NCAPD2: variants seen among roughly 807,000 people sequenced by gnomAD.
NCAPD2 encodes the protein condensin complex subunit 1.
A neutral mutation model predicts 164.5 loss-of-function variants in NCAPD2; 100 were observed. The observed-to-expected ratio is 0.61, with a 90% CI of 0.52 to 0.72. The LOEUF is 0.72. Among genes scored for constraint, NCAPD2 ranks in the 30% least tolerant of loss-of-function variants. The pLI is 0.00. For synonymous variants in NCAPD2, 585 were observed against 642.6 expected, an observed-to-expected ratio of 0.91 and a Z score of 1.36; for missense variants, 1,560 against 1,749.2, an observed-to-expected ratio of 0.89 and a Z score of 1.93.
In NCAPD2 at chr12:6,514,840, T is replaced by C; in HGVS notation, c.907T>C (p.Phe303Leu). The C allele has an allele frequency of 6.2e-7, 1 of 1,614,210 alleles. No individual in the cohort carries two copies. Among genetic ancestry groups the C allele is most frequent in the Non-Finnish European group, 8.5e-7 (1 of 1,180,014 alleles). ...TTCAGGGACAAAGGGCTTTGCAGCA[T>C]TCCTGACAGAACTAGCAGAACGTGT... ...DPSGTKGFAA[F>L]LTELAERVPA... The change falls in exon 9 of 32, where the codon TTC becomes CTC. Residue 303 changes from phenylalanine to leucine, a missense_variant. Transcript: ENST00000315579.
chr12:6,501,063 TTTTTTTTTTTGAC>T (rs1432689857), intron 2 of NCAPD2, among the ~76,000 whole-genome samples: 9 of 150,960 alleles, frequency 6.0e-5, no homozygotes, highest in African/African-American at 2.2e-4. Context: ...AGGCTTTTTT[TTTTTTTTTTTGAC>T]AGTCTTGCTC....
At chr12:6,520,158 G>A (rs903841855) in intron 13 of NCAPD2, among the ~76,000 whole-genome samples, 13 of 148,888 alleles carry the variant, frequency 8.7e-5, no homozygotes, top group Middle Eastern at 3.4e-3. Flanking sequence ...TTCAGCCTGG[G>A]TGACAGAACA....
At chr12:6,516,123 G>A (rs1254805519) in intron 9 of NCAPD2, among the ~76,000 whole-genome samples, 1 of 151,370 alleles carries the variant, frequency 6.6e-6, no homozygotes, top group East Asian at 1.9e-4. Context: ...TTGAACCTGG[G>A]AAATGGAGGT....
At chr12:6,527,693 CT>C in intron 22 of NCAPD2, 83 bp from the exon 23 acceptor site, 1 of 1,306,452 alleles carries the variant, frequency 7.7e-7, no homozygotes, top group Non-Finnish European at 1.1e-6. Flanking sequence ...CCCTTCCTCA[CT>C]TTGTTCATGC....
At chr12:6,529,252 A>G in intron 27 of NCAPD2, 1 of 612,784 alleles carries the variant, frequency 1.6e-6, no homozygotes, top group Non-Finnish European at 2.9e-6. Flanking sequence ...AGTTCCTAAC[A>G]TGGTGGCAGA....
intron 7 of NCAPD2, 23 bp downstream of exon 7, chr12:6,514,415 C>T (rs781189403): frequency 6.2e-7 from 1 of 1,614,060 alleles, no homozygotes. Context: ...TCGCTTTGCC[C>T]CGCCTTTTTT....
intron 9 of NCAPD2, 139 bp from the exon 10 acceptor site, chr12:6,516,689 C>T: frequency 1.2e-6 from 1 of 821,278 alleles, no homozygotes; most frequent in South Asian, 1.8e-5. Context: ...CTCTGAGCAA[C>T]AAGTCCTCTT....
intron 2 of NCAPD2, among the ~76,000 whole-genome samples, chr12:6,499,287 C>T (rs1247632397): frequency 6.6e-6 from 1 of 152,106 alleles, no homozygotes; most frequent in Non-Finnish European, 1.5e-5. Context: ...TCTCAGCCCA[C>T]TGCAACCTTC....
intron 6 of NCAPD2, among the ~76,000 whole-genome samples, chr12:6,512,445 T>C (rs965746190): frequency 6.6e-6 from 1 of 152,100 alleles, no homozygotes; most frequent in Admixed American, 6.6e-5. Flanking sequence ...GGAAAAGGAA[T>C]AGCATATGCA....
chr12:6,502,374 A>G (rs1946046482), intron 2 of NCAPD2, among the ~76,000 whole-genome samples: 1 of 152,222 alleles, frequency 6.6e-6, no homozygotes, highest in Non-Finnish European at 1.5e-5. Flanking sequence ...TCATGGTGTT[A>G]TGAGCAGAGG....
intron 10 of NCAPD2, 151 bp downstream of exon 10, chr12:6,517,176 G>T: frequency 5.6e-6 from 7 of 1,241,022 alleles, no homozygotes; most frequent in Non-Finnish European, 7.9e-6. Context: ...TACCAAGGAC[G>T]AGGATATCTG....
At chr12:6,502,671 C>T (rs904745465) in intron 2 of NCAPD2, among the ~76,000 whole-genome samples, 2 of 151,908 alleles carry the variant, frequency 1.3e-5, no homozygotes, top group Middle Eastern at 3.4e-3. Context: ...GATATAAGGC[C>T]GAGTGTGGTG....
intron 13 of NCAPD2, among the ~76,000 whole-genome samples, chr12:6,520,003 G>A (rs901513477): frequency 3.3e-5 from 5 of 151,946 alleles, no homozygotes; most frequent in Non-Finnish European, 1.5e-5. Flanking sequence ...GCGAAATGGC[G>A]AAACCCATCT....
Position 6,530,960 on chromosome 12 carries a change from A to G in NCAPD2, c.4004A>G (p.Asn1335Ser), listed in dbSNP as rs150713925. 1.1e-4 allele frequency: 179 copies of G among 1,614,134 alleles called. No individual in the cohort carries two copies. The African/African-American group carries it at 1.9e-3, about 17-fold the overall frequency. Residue 1335 changes from asparagine to serine, a missense_variant, in exon 31 of 32, where the codon AAT becomes AGT. Asn to Ser is a conservative substitution (Grantham distance 46). Coordinates refer to ENST00000315579, the MANE Select transcript of NCAPD2 (RefSeq NM_014865.4). ...YQPLASTASD[N>S]DFVTPEPRRT... is the part of the protein sequence containing the mutation. ...CCTCTGGCTTCTACAGCCTCAGACA[A>G]TGACTTTGTCACACCAGAGCCCCGC... is the stretch of plus-strand genomic sequence containing the variant.
rs114737712 is a variant in NCAPD2 at position 6,509,998 on chromosome 12, C to T, written c.204-77C>T. 2.6e-3 allele frequency: 3,799 copies of T among 1,456,398 alleles called. 82 individuals are homozygous for T. The African/African-American group carries it at 0.046, about 18-fold the overall frequency. The allele number at this position is 1,456,398 out of a possible 1,614,324, so 90.2% of individuals were successfully genotyped here. A position where few individuals can be genotyped will look rare whatever the true frequency, so the allele number is the denominator to read the frequency against. ...GTGTATTTTTAAACATTCGATTCCA[C>T]GGGTTAGATCTGATCTGTTAGAAGG... On this transcript the variant is annotated intron_variant, in intron 3 of 31. Transcript: ENST00000315579.
chr12:6,530,816 T>G lies in NCAPD2; in HGVS notation c.3963T>G (p.Thr1321=), dbSNP rs562369888. The change falls in exon 30 of 32, where the codon ACT becomes ACG. Residue 1321 remains threonine, a splice_region_variant and synonymous_variant. Coordinates refer to ENST00000315579, the MANE Select transcript of NCAPD2 (RefSeq NM_014865.4). The part of the protein sequence containing the change: ...QRAPSAKKPS[T]GSRYQPLAST... Reference sequence around the variant, plus strand: ...CGCCATCAGCCAAGAAACCATCCACTGGTACGTAAGGCAGCCTGTGCGGGC... The same window carrying G: ...CGCCATCAGCCAAGAAACCATCCACGGGTACGTAAGGCAGCCTGTGCGGGC... 8 of 1,614,210 alleles carry G rather than the reference T, an allele frequency of 5.0e-6. No homozygotes were observed. The South Asian group carries it at 8.8e-5, about 18-fold the overall frequency.
At chr12:6,516,129 G>C (rs967893735) in intron 9 of NCAPD2, among the ~76,000 whole-genome samples, 1 of 151,576 alleles carries the variant, frequency 6.6e-6, no homozygotes, top group South Asian at 2.1e-4. Context: ...CTGGGAAATG[G>C]AGGTTACAGT....
intron 2 of NCAPD2, 56 bp from the exon 3 acceptor site, chr12:6,509,661 T>C: frequency 6.6e-7 from 1 of 1,512,560 alleles, no homozygotes; most frequent in African/African-American, 1.4e-5. Context: ...ATGGATAGAA[T>C]TTACTGAAAA....
At position 6,528,639 on chromosome 12, in the gene NCAPD2, C is replaced by T. The variant is rs373408384; in HGVS notation, c.3300-40C>T. 1.7e-5 allele frequency: 27 copies of T among 1,589,864 alleles called. No individual in the cohort carries two copies. The highest frequency in any genetic ancestry group is 1.7e-4 in the Middle Eastern group (1 of 6,000). On this transcript the variant is annotated intron_variant, in intron 25 of 31. Coordinates refer to ENST00000315579, the MANE Select transcript of NCAPD2 (RefSeq NM_014865.4). The surrounding 1 kb of genome is among the most constrained non-coding windows in gnomAD (Gnocchi z 5.1). ...TTTCTACCAGTGTTAGGGTGTAGCC[C>T]GGAGGTCTCGGTCCCCATGACCCGC...
Sources: allele counts gnomAD v4.1 joint callset (sites outside exome capture counted in the v4.1 genomes callset), GRCh38; gene constraint gnomAD v4.1.1; non-coding constraint Gnocchi (gnomAD v3.1); transcripts MANE v1.5; gene names NCBI Gene and HGNC (gene_info 2026-07-23, HGNC 2026-07-21).